RANBP2: variants seen among roughly 807,000 people sequenced by gnomAD.
RANBP2 encodes RAN binding protein 2.
A neutral mutation model predicts 303.6 loss-of-function variants in RANBP2; 57 were observed. That is an observed-to-expected ratio of 0.19 (90% CI 0.15 to 0.23). RANBP2 has a LOEUF of 0.23. RANBP2 is among the 10% of genes least tolerant of loss of function. The probability of loss-of-function intolerance (pLI) is 1.00; values close to 1 mark genes in which losing one functional copy is unlikely to be tolerated. For missense variants in RANBP2, 3,138 were observed against 3,780.8 expected (o/e 0.83, Z 4.46); for synonymous variants, 1,167 against 1,301.5 (o/e 0.90, Z 2.23).
At chr2:108,809,569 A>G in the RANBP2 span, among the ~76,000 whole-genome samples, 3 of 151,042 alleles carry the variant, frequency 2.0e-5, no homozygotes, top group Admixed American at 6.6e-5. Flanking sequence ...ATTCCCAGCT[A>G]TTTTATTTTA....
chr2:109,432,168 CAG>C, the RANBP2 span, among the ~76,000 whole-genome samples: 1 of 152,190 alleles, frequency 6.6e-6, no homozygotes, highest in Admixed American at 6.5e-5. Context: ...GGATGCAGTT[CAG>C]AGAGTCCTTG....
chr2:109,116,042 TTCTC>T, the RANBP2 span, among the ~76,000 whole-genome samples: 2 of 152,374 alleles, frequency 1.3e-5, no homozygotes, highest in South Asian at 2.1e-4. Context: ...AACCCAATCT[TTCTC>T]TCTGTTTGCC....
the RANBP2 span, among the ~76,000 whole-genome samples, chr2:109,132,977 G>T: frequency 6.6e-6 from 1 of 152,126 alleles, no homozygotes; most frequent in Non-Finnish European, 1.5e-5. Context: ...TTAAATCCTT[G>T]ACTTATATTT....
chr2:108,802,543 G>A, the RANBP2 span, among the ~76,000 whole-genome samples: 3 of 146,268 alleles, frequency 2.1e-5, no homozygotes, highest in Non-Finnish European at 3.0e-5. Flanking sequence ...AGACGATAGG[G>A]TTTTCTAGAT....
chr2:109,544,019 G>A, the RANBP2 span: 6 of 785,588 alleles, frequency 7.6e-6, no homozygotes, highest in African/African-American at 8.9e-5. Flanking sequence ...GGTGTCGGGT[G>A]GGGAATTTTC....
At chr2:109,496,562 C>T in the RANBP2 span, among the ~76,000 whole-genome samples, 1 of 152,206 alleles carries the variant, frequency 6.6e-6, no homozygotes, top group Non-Finnish European at 1.5e-5. Flanking sequence ...GCAGCACGGC[C>T]TGGCCGACTC....
At chr2:109,120,477 T>C in the RANBP2 span, among the ~76,000 whole-genome samples, 143 of 152,208 alleles carry the variant, frequency 9.4e-4, no homozygotes, top group Non-Finnish European at 1.6e-3. Flanking sequence ...CTCAGCCAGG[T>C]TGGCCTTCCC....
At chr2:109,213,595 A>G in the RANBP2 span, among the ~76,000 whole-genome samples, 2 of 152,208 alleles carry the variant, frequency 1.3e-5, no homozygotes, top group African/African-American at 2.4e-5. Flanking sequence ...GGTGGACACC[A>G]GCTGTGTCCA....
the RANBP2 span, chr2:108,873,311 C>A: frequency 1.4e-6 from 1 of 714,898 alleles, no homozygotes; most frequent in Non-Finnish European, 2.0e-6. Context: ...ATGATATTTT[C>A]ACTCAAAAAT....
At chr2:109,358,148 T>A in the RANBP2 span, among the ~76,000 whole-genome samples, 2 of 152,252 alleles carry the variant, frequency 1.3e-5, no homozygotes, top group Non-Finnish European at 2.9e-5. Flanking sequence ...TCATACAATA[T>A]GTAGCCTTTT....
chr2:109,445,124 A>G, the RANBP2 span, among the ~76,000 whole-genome samples: 1 of 152,242 alleles, frequency 6.6e-6, no homozygotes, highest in Non-Finnish European at 1.5e-5. Context: ...AGCCATACAG[A>G]GGAATTTATC....
chr2:108,866,725 A>G, the RANBP2 span, among the ~76,000 whole-genome samples: 1 of 152,208 alleles, frequency 6.6e-6, no homozygotes, highest in African/African-American at 2.4e-5. Context: ...TCTACTAAAA[A>G]TACAAACATT....
chr2:109,476,658 T>G, the RANBP2 span, among the ~76,000 whole-genome samples: 1 of 152,228 alleles, frequency 6.6e-6, no homozygotes, highest in Non-Finnish European at 1.5e-5. Flanking sequence ...AAGAGAGGGT[T>G]CTTGGATCTC....
chr2:109,108,766 G>A, the RANBP2 span, among the ~76,000 whole-genome samples: 1,460 of 152,300 alleles, frequency 9.6e-3, 26 homozygotes, highest in African/African-American at 0.034. Flanking sequence ...TGCACCCACC[G>A]GTCCCCCAAA....
chr2:108,800,000 T>G, the RANBP2 span, among the ~76,000 whole-genome samples: 1 of 152,218 alleles, frequency 6.6e-6, no homozygotes, highest in Non-Finnish European at 1.5e-5. Context: ...TGTCTTTATA[T>G]TTACATCTAT....
the RANBP2 span, among the ~76,000 whole-genome samples, chr2:109,099,864 C>A: frequency 6.6e-6 from 1 of 152,002 alleles, no homozygotes; most frequent in Non-Finnish European, 1.5e-5. Context: ...GGGTTCTAAA[C>A]CTGCTGTCTC....
the RANBP2 span, among the ~76,000 whole-genome samples, chr2:109,428,705 A>G: frequency 6.6e-6 from 1 of 152,354 alleles, no homozygotes; most frequent in South Asian, 2.1e-4. Flanking sequence ...AAGTATTTGA[A>G]GTACCAACCT....
the RANBP2 span, among the ~76,000 whole-genome samples, chr2:109,228,111 ATC>A: frequency 6.6e-6 from 1 of 152,092 alleles, no homozygotes; most frequent in Non-Finnish European, 1.5e-5. Context: ...CATACAGGCA[ATC>A]TCTAATGGCT....
chr2:108,763,270 C>A lies in RANBP2; in HGVS notation c.2731C>A (p.Gln911Lys). The change falls in exon 20 of 29, where the codon CAA becomes AAA. Residue 911 changes from glutamine (Q) to lysine (K), a missense_variant. This residue lies in a region of RANBP2 where 403 missense variants were observed against 376.7 expected (regional missense o/e 1.07). Coordinates refer to ENST00000283195, the MANE Select transcript of RANBP2 (RefSeq NM_006267.5). ...CTATGGCATGAATAGGCTTCCACCC[C>A]AACAGCATATTTATGCCTATCCGCA... ...PVYGMNRLPPQQHIYAYPQQM... is the reference protein window; with the variant it reads ...PVYGMNRLPPKQHIYAYPQQM... 6.2e-7 allele frequency: 1 copy of A among 1,613,800 alleles called. No individual in the cohort carries two copies. The highest frequency in any genetic ancestry group is 2.2e-5 in the East Asian group (1 of 44,870).
Sources: gnomAD v4.1 joint callset for allele counts (sites outside exome capture counted in the v4.1 genomes callset) on GRCh38, gnomAD v4.1.1 for gene constraint, gnomAD v4.1.1 regional missense constraint, MANE v1.5 for transcripts, NCBI Gene and HGNC (gene_info 2026-07-23, HGNC 2026-07-21) for gene names.